The following WDR25 variants were observed in gnomAD, a reference collection of about 807,000 sequenced individuals.
WDR25 encodes WD repeat domain 25.
A neutral mutation model predicts 47.7 loss-of-function variants in WDR25; 35 were observed. The ratio of observed to expected loss-of-function variants is 0.73; its 90% confidence interval spans 0.56 to 0.97. WDR25 has a LOEUF of 0.97. Ranked by LOEUF, WDR25 falls within the 50% of genes least tolerant of loss-of-function variation. WDR25 has a pLI of 0.00. For synonymous variants in WDR25, 248 were observed against 278.9 expected (o/e 0.89, Z 1.10); for missense variants, 634 against 704.7 (o/e 0.90, Z 1.14).
intron 2 of WDR25, among the ~76,000 whole-genome samples, chr14:100,434,062 C>CA (rs140976497): frequency 0.082 from 10,876 of 132,690 alleles, 903 homozygotes; most frequent in African/African-American, 0.23. Context: ...GCCGTTTCTA[C>CA]AAAAAAAAAA....
chr14:100,507,822 G>T (rs896581310), intron 4 of WDR25, among the ~76,000 whole-genome samples: 35 of 152,002 alleles, frequency 2.3e-4, no homozygotes, highest in African/African-American at 8.0e-4. Context: ...GAGCCCTTTG[G>T]CATAGTCTTT....
chr14:100,394,810 G>A (rs1595496579), intron 2 of WDR25, among the ~76,000 whole-genome samples: 2 of 152,216 alleles, frequency 1.3e-5, no homozygotes, highest in East Asian at 3.9e-4. Context: ...AAATAGGGAG[G>A]CCTATCTCCA....
chr14:100,521,151 C>T (rs2029872215), intron 4 of WDR25, among the ~76,000 whole-genome samples: 1 of 151,636 alleles, frequency 6.6e-6, no homozygotes, highest in African/African-American at 2.4e-5. Flanking sequence ...TTTTAACCAG[C>T]TCCAACAAAC....
At chr14:100,419,513 A>G (rs1897969339) in intron 2 of WDR25, among the ~76,000 whole-genome samples, 1 of 152,128 alleles carries the variant, frequency 6.6e-6, no homozygotes, top group African/African-American at 2.4e-5. Context: ...AGATGGGGGG[A>G]AAATTCTATG....
At chr14:100,467,849 C>T (rs1899688457) in intron 2 of WDR25, among the ~76,000 whole-genome samples, 172 bp from the exon 3 acceptor site, 1 of 152,170 alleles carries the variant, frequency 6.6e-6, no homozygotes, top group African/African-American at 2.4e-5. Flanking sequence ...TTACCAATCC[C>T]AAGCCTTTAC....
chr14:100,461,447 A>G (rs944870023), intron 2 of WDR25, among the ~76,000 whole-genome samples: 52 of 152,244 alleles, frequency 3.4e-4, no homozygotes, highest in African/African-American at 1.3e-3. Flanking sequence ...AGATCTTTTC[A>G]TTTAAAAAAC....
chr14:100,441,247 T>C (rs1243173080), intron 2 of WDR25, among the ~76,000 whole-genome samples: 1 of 152,174 alleles, frequency 6.6e-6, no homozygotes, highest in Non-Finnish European at 1.5e-5. Context: ...TGCCAGGTCC[T>C]GTGTGTGATA....
chr14:100,376,524 C>T lies in WDR25; in HGVS notation c.-16+29C>T, dbSNP rs995860087. The T allele has an allele frequency of 5.7e-6, 7 of 1,231,836 alleles. No individual in the cohort carries two copies. In the African/African-American group the frequency reaches 1.1e-4, roughly 19 times the overall value. The allele number at this position is 1,231,836 out of a possible 1,614,324, so 76.3% of individuals were successfully genotyped here. ...CGTGTGGTGAGCGGCGGGCCCCGGGCTGGAGGGGCCGGGACTGGGCAGCGC... is the reference window on the plus strand; with the variant it reads ...CGTGTGGTGAGCGGCGGGCCCCGGGTTGGAGGGGCCGGGACTGGGCAGCGC... On this transcript the variant is annotated intron_variant, in intron 1 of 6. Coordinates refer to ENST00000402312, the MANE Select transcript of WDR25 (RefSeq NM_001161476.3).
Position 100,381,052 on chromosome 14 carries a change from C to T in WDR25, c.128C>T (p.Ala43Val). 6.2e-7 allele frequency: 1 copy of T among 1,614,196 alleles called. No homozygotes were observed. Among genetic ancestry groups the T allele is most frequent in the African/African-American group, 1.3e-5 (1 of 75,040 alleles). The change falls in exon 2 of 7, where the codon GCC (alanine) becomes GTC (valine). Residue 43 changes from alanine to valine, a missense_variant. Coordinates refer to ENST00000402312, the MANE Select transcript of WDR25 (RefSeq NM_001161476.3). ...TGQQKDTSGV[A>V]RPPGQDFASG... ...CAGCAGAAAGACACTTCTGGTGTGGCCAGACCACCTGGGCAGGATTTTGCA... is the reference window on the plus strand; with the variant it reads ...CAGCAGAAAGACACTTCTGGTGTGGTCAGACCACCTGGGCAGGATTTTGCA...
chr14:100,483,940 T>C, intron 3 of WDR25, 54 bp from the exon 4 acceptor site: 1 of 1,557,542 alleles, frequency 6.4e-7, no homozygotes, highest in Non-Finnish European at 8.7e-7. Flanking sequence ...TTTTAAGATA[T>C]TTGTTTTGTG....
chr14:100,405,573 T>C (rs182337730), intron 2 of WDR25, among the ~76,000 whole-genome samples: 205 of 152,354 alleles, frequency 1.3e-3, no homozygotes, highest in African/African-American at 4.8e-3. Context: ...ATGTCTTCAC[T>C]ATAATCTCAT....
chr14:100,397,862 G>A (rs1390169063), intron 2 of WDR25, among the ~76,000 whole-genome samples: 4 of 152,130 alleles, frequency 2.6e-5, no homozygotes, highest in Non-Finnish European at 4.4e-5. Context: ...TTTTTGAGAC[G>A]GAGTCTTGCT....
At chr14:100,418,119 T>G (rs1897920915) in intron 2 of WDR25, among the ~76,000 whole-genome samples, 1 of 151,426 alleles carries the variant, frequency 6.6e-6, no homozygotes, top group African/African-American at 2.4e-5. Context: ...TTTTTGTACT[T>G]TTAGTAGAGA....
intron 2 of WDR25, among the ~76,000 whole-genome samples, chr14:100,466,036 A>G (rs907621579): frequency 4.6e-5 from 7 of 152,094 alleles, no homozygotes; most frequent in Non-Finnish European, 7.4e-5. Context: ...TTATTTTACT[A>G]TTTAAATAAA....
intron 2 of WDR25, among the ~76,000 whole-genome samples, chr14:100,414,538 C>T (rs183464887): frequency 2.4e-4 from 37 of 151,930 alleles, no homozygotes; most frequent in African/African-American, 8.5e-4. Context: ...GTCTCGAACT[C>T]CTGACCTCAG....
chr14:100,456,191 C>T (rs1158163594), intron 2 of WDR25, among the ~76,000 whole-genome samples: 1 of 151,996 alleles, frequency 6.6e-6, no homozygotes, highest in Non-Finnish European at 1.5e-5. Context: ...GACCTTGTCT[C>T]AAAAAATTAG....
chr14:100,464,568 T>G (rs1899537994), intron 2 of WDR25, among the ~76,000 whole-genome samples: 1 of 147,172 alleles, frequency 6.8e-6, no homozygotes, highest in Admixed American at 6.7e-5. Flanking sequence ...AGGAAACATT[T>G]GGGCATGTTT....
intron 2 of WDR25, among the ~76,000 whole-genome samples, chr14:100,412,062 C>G (rs1174848859): frequency 2.0e-5 from 3 of 151,962 alleles, no homozygotes; most frequent in Non-Finnish European, 4.4e-5. Context: ...AAAAAATTTG[C>G]CTGGTGTGGT....
In WDR25 at chr14:100,523,356, C is replaced by T. The variant is rs912865131; in HGVS notation, c.1102-2514C>T. On this transcript the variant is annotated intron_variant, in intron 4 of 6. Coordinates refer to ENST00000402312, the MANE Select transcript of WDR25 (RefSeq NM_001161476.3). This position sits in a 1 kb window ranked among gnomAD's most constrained non-coding sequence, Gnocchi z 4.7. ...AGGGAGCACAGGGTTGCGTGTGAGC[C>T]CAGAGCAGTGCCTCCCCACCCCCTG... Among the ~76,000 whole-genome samples the T allele has an allele frequency of 6.6e-6, 1 of 152,106 alleles. No homozygotes were observed. The highest frequency in any genetic ancestry group is 1.5e-5 in the Non-Finnish European group (1 of 68,022).
Sources: gnomAD v4.1 joint callset for allele counts (sites outside exome capture counted in the v4.1 genomes callset) on GRCh38, gnomAD v4.1.1 for gene constraint, Gnocchi (gnomAD v3.1) non-coding constraint, MANE v1.5 for transcripts, NCBI Gene and HGNC (gene_info 2026-07-23, HGNC 2026-07-21) for gene names.